The following SEM1 variants were observed in gnomAD, a reference collection of about 807,000 sequenced individuals.
SEM1 encodes the protein SEM1 26S proteasome subunit.
A neutral mutation model predicts 12.7 loss-of-function variants in SEM1; 3 were observed. The ratio of observed to expected loss-of-function variants is 0.24; its 90% CI spans 0.11 to 0.61. The LOEUF (loss-of-function observed/expected upper bound fraction) is 0.61. Among genes scored for constraint, SEM1 ranks in the 20% least tolerant of loss-of-function variants. SEM1 has a pLI of 0.88. For missense variants in SEM1, 59 were observed against 81.3 expected (o/e 0.73, Z 1.06); for synonymous variants, 30 against 27.8 (o/e 1.08, Z -0.25).
chr7:96,639,183 C>T (rs1469299161), intron 2 of SEM1, among the ~76,000 whole-genome samples: 1 of 151,832 alleles, frequency 6.6e-6, no homozygotes, highest in Non-Finnish European at 1.5e-5. Flanking sequence ...TTTCATTATT[C>T]AACTTTGTTC....
At chr7:96,540,359 A>T (rs1216587592) in intron 2 of SEM1, among the ~76,000 whole-genome samples, 1 of 151,786 alleles carries the variant, frequency 6.6e-6, no homozygotes, top group East Asian at 1.9e-4. Context: ...AGTATTTTAA[A>T]ATCAAACAAA....
chr7:96,554,050 C>T (rs1003126508), intron 2 of SEM1, among the ~76,000 whole-genome samples: 1 of 151,684 alleles, frequency 6.6e-6, no homozygotes, highest in African/African-American at 2.4e-5. Flanking sequence ...GATTTTGTAT[C>T]CTGAGACTTT....
chr7:96,683,275 T>C (rs1789669861), intron 2 of SEM1, among the ~76,000 whole-genome samples: 1 of 150,600 alleles, frequency 6.6e-6, no homozygotes, highest in Non-Finnish European at 1.5e-5. Flanking sequence ...AACAAACATA[T>C]TTAAAAAAAG....
In SEM1 at chr7:96,638,675, T is replaced by C. The variant is rs572100174; in HGVS notation, c.171-16032A>G. 1.3e-3 allele frequency among the ~76,000 whole-genome samples: 196 copies of C among 152,102 alleles called. 1 individual carries two copies. Among genetic ancestry groups the C allele is most frequent in the Non-Finnish European group, 2.1e-3 (140 of 67,920 alleles). On this transcript the variant is annotated intron_variant, in intron 2 of 2. Coordinates refer to the SEM1 transcript ENST00000417009. ...ATTATTATTTCCCCATAGTAATAAA[T>C]ATTCTTTATAATATTAAGAATAACA...
chr7:96,686,930 A>C (rs1426258613), downstream of SEM1, among the ~76,000 whole-genome samples: 1 of 152,204 alleles, frequency 6.6e-6, no homozygotes, highest in Non-Finnish European at 1.5e-5. Context: ...ATGAACTCAA[A>C]CAAATTTACA....
intron 2 of SEM1, among the ~76,000 whole-genome samples, chr7:96,546,392 T>C (rs1805103558): frequency 6.6e-6 from 1 of 152,124 alleles, no homozygotes; most frequent in Admixed American, 6.6e-5. Context: ...TTCTTTTGCT[T>C]ACACAAGCAT....
chr7:96,487,205 A>G lies in SEM1; in HGVS notation c.13-788T>C, dbSNP rs1563023708. Reference sequence around the variant, plus strand: ...ACACAGTAATCAATTAATCAAGAAAACAATATTTTGATGGAAGCACTTTTT... The same window carrying G: ...ACACAGTAATCAATTAATCAAGAAAGCAATATTTTGATGGAAGCACTTTTT... On this transcript the variant is annotated intron_variant, in intron 1 of 3. Transcript: ENST00000356686. Among the ~76,000 whole-genome samples, 5 of 150,204 alleles carry G rather than the reference A, an allele frequency of 3.3e-5. No homozygotes were observed. The South Asian group carries it at 1.0e-3, about 31-fold the overall frequency.
At chr7:96,644,677 A>G (rs1808725572) in intron 2 of SEM1, among the ~76,000 whole-genome samples, 1 of 152,178 alleles carries the variant, frequency 6.6e-6, no homozygotes, top group African/African-American at 2.4e-5. Context: ...GAATGCTTTC[A>G]GGGTCCCTCA....
At chr7:96,505,398 C>G (rs1198606006) in intron 3 of SEM1, among the ~76,000 whole-genome samples, 1 of 152,116 alleles carries the variant, frequency 6.6e-6, no homozygotes. Context: ...GCCACTGTGC[C>G]TGGCCTTATA....
chr7:96,509,621 A>G (rs1255600220), intron 2 of SEM1, among the ~76,000 whole-genome samples: 2 of 152,134 alleles, frequency 1.3e-5, no homozygotes, highest in African/African-American at 4.8e-5. Context: ...TATTCACAGT[A>G]GCCAAAAGGT....
intron 1 of SEM1, among the ~76,000 whole-genome samples, chr7:96,492,455 G>A (rs1028668641): frequency 2.6e-5 from 4 of 152,082 alleles, no homozygotes; most frequent in African/African-American, 7.2e-5. Context: ...TGTTGCCCAG[G>A]CTGGAGTGCA....
exon 4 of SEM1, chr7:96,481,732 A>T (rs1802550138): frequency 6.6e-6 from 1 of 152,190 alleles, no homozygotes; most frequent in Non-Finnish European, 1.5e-5. Context: ...CATTTCATAT[A>T]TGAACATTTT....
downstream of SEM1, among the ~76,000 whole-genome samples, chr7:96,685,682 T>C (rs559998197): frequency 8.6e-5 from 13 of 151,696 alleles, no homozygotes; most frequent in South Asian, 2.5e-3. Context: ...GTTGTGAAGA[T>C]TAACACATAT....
intron 2 of SEM1, among the ~76,000 whole-genome samples, chr7:96,642,725 T>A (rs2116398041): frequency 6.6e-6 from 1 of 152,128 alleles, no homozygotes; most frequent in Admixed American, 6.6e-5. Context: ...CCTTATTACT[T>A]TTAACTGTTT....
At chr7:96,567,765 CTGATA>C (rs1805888644) in intron 2 of SEM1, among the ~76,000 whole-genome samples, 1 of 151,452 alleles carries the variant, frequency 6.6e-6, no homozygotes, top group Non-Finnish European at 1.5e-5. Context: ...ATTTTCTCTT[CTGATA>C]TAATAGAAAC....
chr7:96,602,180 T>C (rs1437857738), intron 2 of SEM1, among the ~76,000 whole-genome samples: 3 of 152,132 alleles, frequency 2.0e-5, no homozygotes, highest in East Asian at 1.9e-4. Context: ...TTGGGAGCCA[T>C]TGGTAAGAAG....
At chr7:96,662,605 G>GCAGCAAA in intron 2 of SEM1, among the ~76,000 whole-genome samples, 1 of 152,250 alleles carries the variant, frequency 6.6e-6, no homozygotes, top group Admixed American at 6.5e-5. Flanking sequence ...GTTGATAGGT[G>GCAGCAAA]CAGCAAACCA....
rs942237713 is a variant in SEM1 at position 96,640,886 on chromosome 7, A to G, written c.171-18243T>C. Among the ~76,000 whole-genome samples the G allele has an allele frequency of 4.6e-5, 7 of 151,880 alleles. No individual in the cohort carries two copies. Among genetic ancestry groups the G allele is most frequent in the African/African-American group, 1.7e-4 (7 of 41,372 alleles). On this transcript the variant is annotated intron_variant, in intron 2 of 2. Transcript: ENST00000417009. The surrounding 1 kb of genome is among the most constrained non-coding windows in gnomAD (Gnocchi z 4.0). ...TCATTTCAGTTTTGCTGTTAACCTA[A>G]CACTGCTCTAAAAAATATGGTTTCT...
chr7:96,613,559 C>G (rs1807610664), intron 2 of SEM1, among the ~76,000 whole-genome samples: 1 of 152,134 alleles, frequency 6.6e-6, no homozygotes, highest in South Asian at 2.1e-4. Context: ...TATTTACAAT[C>G]CTTGCTTTTA....
Sources: gnomAD v4.1 joint callset for allele counts (sites outside exome capture counted in the v4.1 genomes callset) on GRCh38, gnomAD v4.1.1 for gene constraint, Gnocchi (gnomAD v3.1) non-coding constraint, MANE v1.5 for transcripts, NCBI Gene and HGNC (gene_info 2026-07-23, HGNC 2026-07-21) for gene names.